Variants in TMEM132D observed in about 807,000 individuals in gnomAD.
TMEM132D encodes transmembrane protein 132D, also known as mature OL transmembrane protein.
In TMEM132D, 21 loss-of-function variants were observed where a neutral mutation model predicts 62.3. That is an observed-to-expected ratio of 0.34 (90% CI 0.24 to 0.49). TMEM132D has a LOEUF of 0.49. TMEM132D is among the 20% of genes least tolerant of loss of function. The pLI, the probability that TMEM132D is intolerant of heterozygous loss-of-function variation, is 0.99. For missense variants in TMEM132D, 1,346 were observed against 1,402.8 expected, an observed-to-expected ratio of 0.96 and a Z score of 0.65; for synonymous variants, 621 against 575.6, an observed-to-expected ratio of 1.08 and a Z score of -1.13.
intron 3 of TMEM132D, among the ~76,000 whole-genome samples, chr12:129,433,726 A>G (rs1263236352): frequency 6.6e-6 from 1 of 152,144 alleles, no homozygotes; most frequent in Non-Finnish European, 1.5e-5. Context: ...GCAAGGCCAG[A>G]GCGTGGCTGC....
At chr12:129,731,285 C>A (rs1278763127) in intron 1 of TMEM132D, among the ~76,000 whole-genome samples, 2 of 152,098 alleles carry the variant, frequency 1.3e-5, no homozygotes, top group African/African-American at 4.8e-5. Context: ...ACGATTACTG[C>A]CCTCTCGAAA....
Position 129,512,412 on chromosome 12 carries a change from G to A in TMEM132D, c.1115+18647C>T, listed in dbSNP as rs190325555. The stretch of plus-strand genomic sequence containing the variant: ...TCAGAACTGTTGTATTCCATTTATC[G>A]TCAAAAGAGACGAGCCCTTCTTAGA... On this transcript the variant is annotated intron_variant, in intron 3 of 8. Transcript: ENST00000422113. 1.0e-3 allele frequency among the ~76,000 whole-genome samples: 153 copies of A among 152,252 alleles called. 1 individual carries two copies. Among genetic ancestry groups the A allele is most frequent in the African/African-American group, 3.4e-3 (142 of 41,542 alleles).
chr12:129,891,470 C>T (rs998355235), intron 1 of TMEM132D, among the ~76,000 whole-genome samples: 8 of 152,178 alleles, frequency 5.3e-5, no homozygotes, highest in South Asian at 2.1e-4. Flanking sequence ...CCGTTGGGTG[C>T]GGCTGAAATT....
chr12:129,377,078 T>C (rs1253180867), intron 3 of TMEM132D, among the ~76,000 whole-genome samples: 3 of 152,178 alleles, frequency 2.0e-5, no homozygotes, highest in Non-Finnish European at 4.4e-5. Flanking sequence ...TCTTTAAACA[T>C]TGTATTGTGT....
chr12:129,841,316 AG>A (rs1873185927), intron 1 of TMEM132D, among the ~76,000 whole-genome samples: 1 of 152,154 alleles, frequency 6.6e-6, no homozygotes, highest in Non-Finnish European at 1.5e-5. Flanking sequence ...AGATTAAAAA[AG>A]AAAAAAAAAA....
At chr12:129,743,771 C>G (rs931808746) in intron 1 of TMEM132D, among the ~76,000 whole-genome samples, 1 of 152,114 alleles carries the variant, frequency 6.6e-6, no homozygotes, top group Non-Finnish European at 1.5e-5. Flanking sequence ...ACCGAGGCCC[C>G]TACAGGAGGG....
intron 2 of TMEM132D, among the ~76,000 whole-genome samples, chr12:129,610,294 A>G (rs111773082): frequency 0.066 from 9,820 of 148,532 alleles, 403 homozygotes; most frequent in Middle Eastern, 0.18. Flanking sequence ...AAAAAAAAAA[A>G]GAGAGACAGA....
At chr12:129,390,195 G>A (rs1041631533) in intron 3 of TMEM132D, among the ~76,000 whole-genome samples, 1 of 152,178 alleles carries the variant, frequency 6.6e-6, no homozygotes, top group Non-Finnish European at 1.5e-5. Context: ...ACTGACCTTG[G>A]CCCACGGGCC....
At chr12:129,583,182 G>A (rs1357208606) in intron 2 of TMEM132D, among the ~76,000 whole-genome samples, 1 of 152,194 alleles carries the variant, frequency 6.6e-6, no homozygotes, top group East Asian at 1.9e-4. Context: ...GTGTCCATAT[G>A]AAACATTTAG....
intron 1 of TMEM132D, among the ~76,000 whole-genome samples, chr12:129,860,378 C>T (rs1184564869): frequency 1.3e-5 from 2 of 152,310 alleles, no homozygotes; most frequent in Non-Finnish European, 1.5e-5. Flanking sequence ...TAGATGTTAA[C>T]TTGGAGTAGA....
At chr12:129,278,483 C>A (rs144231651) in intron 4 of TMEM132D, among the ~76,000 whole-genome samples, 2 of 152,140 alleles carry the variant, frequency 1.3e-5, no homozygotes, top group African/African-American at 4.8e-5. Context: ...TCCAAGGCTC[C>A]ATCTTAACCC....
rs1881367288 is a variant in TMEM132D, at chr12:129,700,717, A to G, written c.80-19T>C. On this transcript the variant is annotated intron_variant, in intron 1 of 8. Transcript: ENST00000422113. ...TCCGTCACTGTGGGGAGGGAATCGC[A>G]GTGCAGGCGTTAGTAATGCTAAGGT... The G allele has an allele frequency of 1.3e-6, 2 of 1,584,902 alleles. No homozygotes were observed. Among genetic ancestry groups the G allele is most frequent in the Non-Finnish European group, 1.7e-6 (2 of 1,167,048 alleles).
At chr12:129,559,402 C>T (rs948444112) in intron 2 of TMEM132D, among the ~76,000 whole-genome samples, 3 of 152,184 alleles carry the variant, frequency 2.0e-5, no homozygotes, top group Non-Finnish European at 2.9e-5. Context: ...CTGCAATTAG[C>T]AAATTTCCTC....
At chr12:129,091,021 G>A (rs769560406) in intron 5 of TMEM132D, among the ~76,000 whole-genome samples, 4 of 152,182 alleles carry the variant, frequency 2.6e-5, no homozygotes, top group South Asian at 2.1e-4. Context: ...AAGACAATTC[G>A]GAAAGGGTAC....
intron 5 of TMEM132D, among the ~76,000 whole-genome samples, chr12:129,192,158 T>C (rs757792806): frequency 6.6e-6 from 1 of 152,150 alleles, no homozygotes; most frequent in Non-Finnish European, 1.5e-5. Context: ...TACCTTGACC[T>C]GCGTCTGCAC....
chr12:129,259,411 A>G (rs1411956400), intron 4 of TMEM132D, among the ~76,000 whole-genome samples: 1 of 152,180 alleles, frequency 6.6e-6, no homozygotes, highest in African/African-American at 2.4e-5. Flanking sequence ...CAAAAGCCCT[A>G]AAGTATAAAT....
At chr12:129,439,569 C>T (rs1181913985) in intron 3 of TMEM132D, among the ~76,000 whole-genome samples, 1 of 152,218 alleles carries the variant, frequency 6.6e-6, no homozygotes, top group East Asian at 1.9e-4. Context: ...CCTGCCTCAG[C>T]CTTCTAAGTA....
At chr12:129,844,805 A>G (rs1873310330) in intron 1 of TMEM132D, among the ~76,000 whole-genome samples, 1 of 152,174 alleles carries the variant, frequency 6.6e-6, no homozygotes, top group African/African-American at 2.4e-5. Context: ...ACTAGTAACA[A>G]TAGGATTTTG....
At chr12:129,279,391 G>C (rs892606264) in intron 4 of TMEM132D, among the ~76,000 whole-genome samples, 1 of 152,084 alleles carries the variant, frequency 6.6e-6, no homozygotes, top group Admixed American at 6.6e-5. Flanking sequence ...TCTTCCTAAA[G>C]AATTTTTTTT....
Sources: allele counts gnomAD v4.1 joint callset (sites outside exome capture counted in the v4.1 genomes callset), GRCh38; gene constraint gnomAD v4.1.1; transcripts MANE v1.5; gene names NCBI Gene and HGNC (gene_info 2026-07-23, HGNC 2026-07-21).